The following FNBP1 variants were observed in gnomAD, a reference collection of about 807,000 sequenced individuals.
The protein encoded by FNBP1 is formin binding protein 1.
In FNBP1, 26 loss-of-function variants were observed where a neutral mutation model predicts 90.6. That is an observed-to-expected ratio of 0.29 (90% CI 0.21 to 0.40). The LOEUF is 0.40. Among genes scored for constraint, FNBP1 ranks in the 10% least tolerant of loss-of-function variants. The pLI is 1.00. For synonymous variants in FNBP1, 260 were observed against 265.2 expected, an observed-to-expected ratio of 0.98 and a Z score of 0.19; for missense variants, 635 against 768.0, an observed-to-expected ratio of 0.83 and a Z score of 2.05.
In FNBP1 at chr9:130,032,680, A is replaced by C. The variant is rs1001470709; in HGVS notation, c.24+10272T>G. 1.4e-4 allele frequency among the ~76,000 whole-genome samples: 22 copies of C among 152,288 alleles called. 1 individual carries two copies. Among genetic ancestry groups the C allele is most frequent in the Admixed American group, 1.4e-3 (21 of 15,294 alleles). ...GCTGATAGGCAGAATAATTCATTAGATGTTTCAAGCAGCAAATATCCAGCT... is the reference window on the plus strand; with the variant it reads ...GCTGATAGGCAGAATAATTCATTAGCTGTTTCAAGCAGCAAATATCCAGCT... On this transcript the variant is annotated intron_variant, in intron 1 of 16. Transcript: ENST00000446176.
intron 1 of FNBP1, among the ~76,000 whole-genome samples, chr9:130,028,580 G>A (rs1316599755): frequency 1.3e-5 from 2 of 151,720 alleles, no homozygotes; most frequent in Non-Finnish European, 2.9e-5. Context: ...CACTTATTAT[G>A]TTGTTATAAC....
intron 1 of FNBP1, among the ~76,000 whole-genome samples, chr9:130,001,318 A>C (rs1176353065): frequency 6.1e-4 from 8 of 13,138 alleles, no homozygotes; most frequent in Non-Finnish European, 2.7e-3. Flanking sequence ...TCTCAAAAAA[A>C]CAAAACAAAA....
rs147897359 is a variant in FNBP1 at position 129,966,540 on chromosome 9, C to T, written c.346-7987G>A. On this transcript the variant is annotated intron_variant, in intron 4 of 16. Coordinates refer to ENST00000446176, the MANE Select transcript of FNBP1 (RefSeq NM_015033.3). The surrounding 1 kb of genome is among the most constrained non-coding windows in gnomAD (Gnocchi z 4.3). Reference sequence around the variant, plus strand: ...GGTCAGGAGTTCGAGACCAGCCTGGCCAACATGATGAAATGCCGTCTCTAC... The same window carrying T: ...GGTCAGGAGTTCGAGACCAGCCTGGTCAACATGATGAAATGCCGTCTCTAC... Among the ~76,000 whole-genome samples the T allele has an allele frequency of 0.01, 1,526 of 152,036 alleles. 15 individuals are homozygous for T. Among genetic ancestry groups the T allele is most frequent in the South Asian group, 0.041 (197 of 4,806 alleles).
the FNBP1 span, among the ~76,000 whole-genome samples, chr9:130,053,224 G>A: frequency 6.6e-6 from 1 of 152,162 alleles, no homozygotes; most frequent in Non-Finnish European, 1.5e-5. Context: ...AATAGCATGA[G>A]GCAACAGAAC....
intron 6 of FNBP1, among the ~76,000 whole-genome samples, chr9:129,932,589 A>G (rs1482071968): frequency 6.6e-6 from 1 of 152,254 alleles, no homozygotes; most frequent in Middle Eastern, 3.4e-3. Context: ...TTTCCTTATT[A>G]CTGAGGTTTT....
chr9:129,959,422 C>A (rs1345902896), intron 4 of FNBP1, among the ~76,000 whole-genome samples: 1 of 151,768 alleles, frequency 6.6e-6, no homozygotes, highest in African/African-American at 2.4e-5. Flanking sequence ...AACCCCATCT[C>A]TACTAAAAAG....
At chr9:129,919,159 A>G in intron 10 of FNBP1, 1 of 1,289,578 alleles carries the variant, frequency 7.8e-7, no homozygotes, top group South Asian at 1.2e-5. Flanking sequence ...GTGAACTTAC[A>G]ACATAGTCCC....
In FNBP1 at chr9:130,042,755, G is replaced by A. The variant is rs1349455253; in HGVS notation, c.24+197C>T. ...GCACCAACTCCCCTCGCCTCCGAAG[G>A]ACAAGCCGGCCCGCACCTCCTGCTC... On this transcript the variant is annotated intron_variant, in intron 1 of 16. Transcript: ENST00000446176. This position sits in a 1 kb window ranked among gnomAD's most constrained non-coding sequence, Gnocchi z 5.5. 6.6e-6 allele frequency among the ~76,000 whole-genome samples: 1 copy of A among 151,848 alleles called. No homozygotes were observed. The highest frequency in any genetic ancestry group is 2.1e-4 in the South Asian group (1 of 4,822).
chr9:129,968,170 A>G (rs1054682785), intron 4 of FNBP1, among the ~76,000 whole-genome samples: 2 of 152,100 alleles, frequency 1.3e-5, no homozygotes, highest in African/African-American at 2.4e-5. Context: ...CGAGGCAGGC[A>G]GATCACCTGA....
chr9:129,932,956 G>A (rs1007464636), intron 6 of FNBP1, among the ~76,000 whole-genome samples: 1 of 151,702 alleles, frequency 6.6e-6, no homozygotes, highest in Non-Finnish European at 1.5e-5. Context: ...GTATCATTTC[G>A]CTATGAATGT....
intron 1 of FNBP1, among the ~76,000 whole-genome samples, chr9:130,014,762 T>C (rs1295448735): frequency 6.6e-6 from 1 of 152,020 alleles, no homozygotes; most frequent in Non-Finnish European, 1.5e-5. Flanking sequence ...AGATCAAAAA[T>C]GAAGGTAAAA....
At chr9:129,905,312 A>ATATATATATATATC (rs1327228641) in intron 12 of FNBP1, among the ~76,000 whole-genome samples, 1 of 146,380 alleles carries the variant, frequency 6.8e-6, no homozygotes, top group Admixed American at 6.9e-5. Context: ...ATATATATAT[A>ATATATATATATATC]TTTTGTTAAT....
intron 1 of FNBP1, among the ~76,000 whole-genome samples, chr9:130,030,300 T>C (rs963317110): frequency 2.0e-5 from 3 of 151,860 alleles, no homozygotes; most frequent in Non-Finnish European, 4.4e-5. Context: ...CTGGGCGTGG[T>C]GGGGCACACC....
At chr9:129,940,251 AC>A (rs1165725761) in intron 6 of FNBP1, among the ~76,000 whole-genome samples, 1 of 152,162 alleles carries the variant, frequency 6.6e-6, no homozygotes, top group African/African-American at 2.4e-5. Flanking sequence ...CAACAAAACA[AC>A]ATTTTGAAGG....
At chr9:129,927,382 A>G (rs911430847) in intron 7 of FNBP1, 41 bp from the exon 8 acceptor site, 1 of 1,589,182 alleles carries the variant, frequency 6.3e-7, no homozygotes, top group African/African-American at 1.3e-5. Context: ...TTGGTCCATT[A>G]TTATTAAACA....
chr9:130,043,840 A>G (rs1317806650), upstream of FNBP1, among the ~76,000 whole-genome samples: 1 of 152,234 alleles, frequency 6.6e-6, no homozygotes, highest in African/African-American at 2.4e-5. Flanking sequence ...GTTACCGCCT[A>G]GTGGGTAAAA....
chr9:129,937,424 A>T (rs1322117239), intron 6 of FNBP1, among the ~76,000 whole-genome samples: 1 of 152,158 alleles, frequency 6.6e-6, no homozygotes, highest in Non-Finnish European at 1.5e-5. Flanking sequence ...GTAAATGTAT[A>T]TATAACTTTT....
intron 12 of FNBP1, among the ~76,000 whole-genome samples, chr9:129,904,665 C>T (rs754595035): frequency 8.5e-5 from 13 of 152,188 alleles, no homozygotes; most frequent in African/African-American, 2.2e-4. Flanking sequence ...GACTTCCAGC[C>T]GCTTTATCTT....
intron 4 of FNBP1, among the ~76,000 whole-genome samples, chr9:129,963,242 A>C (rs2048089472): frequency 6.6e-6 from 1 of 152,186 alleles, no homozygotes; most frequent in South Asian, 2.1e-4. Context: ...GAGACAGGAA[A>C]TGCACAGAAG....
Sources: gnomAD v4.1 joint callset for allele counts (sites outside exome capture counted in the v4.1 genomes callset) on GRCh38, gnomAD v4.1.1 for gene constraint, Gnocchi (gnomAD v3.1) non-coding constraint, MANE v1.5 for transcripts, NCBI Gene and HGNC (gene_info 2026-07-23, HGNC 2026-07-21) for gene names.